The following SLIT3 variants were observed in gnomAD, a reference collection of about 807,000 sequenced individuals.
SLIT3 encodes the protein slit homolog 3 protein.
A neutral mutation model predicts 184.0 loss-of-function variants in SLIT3; 68 were observed. That is an observed-to-expected ratio of 0.37 (90% CI 0.30 to 0.45). The LOEUF (loss-of-function observed/expected upper bound fraction) is 0.45. Among genes scored for constraint, SLIT3 ranks in the 20% least tolerant of loss-of-function variants. The pLI, the probability that SLIT3 is intolerant of heterozygous loss-of-function variation, is 1.00. For synonymous variants in SLIT3, 831 were observed against 828.6 expected (o/e 1.00, Z -0.05); for missense variants, 1,707 against 2,026.0 (o/e 0.84, Z 3.02).
At position 169,095,739 on chromosome 5, in the gene SLIT3, C is replaced by T. The variant is rs566865826; in HGVS notation, c.413+97740G>A. ...ACCAATCTGTGTCCTCACTGTCAAG[C>T]GGCCTCACTGCCTTTCCAGCCCACC... On this transcript the variant is annotated intron_variant, in intron 4 of 35. Transcript: ENST00000519560. 9.8e-5 allele frequency among the ~76,000 whole-genome samples: 15 copies of T among 152,342 alleles called. No homozygotes were observed. The South Asian group carries it at 2.5e-3, about 25-fold the overall frequency.
At chr5:168,969,945 G>A (rs1387927427) in intron 4 of SLIT3, among the ~76,000 whole-genome samples, 2 of 152,232 alleles carry the variant, frequency 1.3e-5, no homozygotes, top group African/African-American at 4.8e-5. Context: ...ACTTTGGGAG[G>A]CCGAGGCCGG....
chr5:168,883,794 G>A (rs143108261), intron 4 of SLIT3, among the ~76,000 whole-genome samples: 2 of 152,078 alleles, frequency 1.3e-5, no homozygotes, highest in South Asian at 4.1e-4. Context: ...TGTCACAGGG[G>A]ATTGGAACAG....
intron 4 of SLIT3, among the ~76,000 whole-genome samples, chr5:169,071,190 G>A (rs527497096): frequency 3.3e-5 from 5 of 152,182 alleles, no homozygotes; most frequent in Non-Finnish European, 7.3e-5. Context: ...GGGTTATCAC[G>A]ATCAAAACAC....
At chr5:168,880,200 A>G (rs1039598) in intron 5 of SLIT3, among the ~76,000 whole-genome samples, 48,617 of 151,990 alleles carry the variant, frequency 0.32, 8,264 homozygotes, top group Non-Finnish European at 0.37. Flanking sequence ...TCCTGCCCCG[A>G]CCTTTCCTTC....
intron 4 of SLIT3, among the ~76,000 whole-genome samples, chr5:169,039,340 G>A (rs1757369251): frequency 7.3e-6 from 1 of 137,082 alleles, no homozygotes; most frequent in African/African-American, 2.7e-5. Context: ...TTTTTGAGAT[G>A]CAGTCTTGTT....
rs1760873510 is a variant in SLIT3 at position 168,662,120 on chromosome 5, T to C, written c.*4334A>G. On this transcript the variant is annotated 3_prime_UTR_variant, in exon 36 of 36. Coordinates refer to ENST00000519560, the MANE Select transcript of SLIT3 (RefSeq NM_003062.4). The stretch of plus-strand genomic sequence containing the variant: ...GGGGACCATCTGCCTGGACATCCAC[T>C]GTGGGGTAGCAGGAAGAACTTTGGC... 6.6e-6 allele frequency: 1 copy of C among 152,244 alleles called. No homozygotes were observed. The highest frequency in any genetic ancestry group is 6.5e-5 in the Admixed American group (1 of 15,290). 9.4% of individuals were successfully genotyped at this position (152,244 alleles called of 1,614,324 possible). A position where few individuals can be genotyped will look rare whatever the true frequency, so the allele number is the denominator to read the frequency against.
intron 4 of SLIT3, among the ~76,000 whole-genome samples, chr5:168,991,151 T>A (rs1033157694): frequency 9.9e-5 from 15 of 152,246 alleles, no homozygotes; most frequent in African/African-American, 3.6e-4. Context: ...CTAACTATAG[T>A]AACTCATAAT....
At chr5:168,705,614 C>G (rs1561884305) in intron 26 of SLIT3, among the ~76,000 whole-genome samples, 1 of 152,178 alleles carries the variant, frequency 6.6e-6, no homozygotes, top group Admixed American at 6.5e-5. Context: ...CAACACTTTC[C>G]TCAAGATCAA....
chr5:168,754,162 C>G (rs1442788427), intron 16 of SLIT3, among the ~76,000 whole-genome samples, 155 bp from the exon 17 acceptor site: 1 of 152,186 alleles, frequency 6.6e-6, no homozygotes, highest in African/African-American at 2.4e-5. Context: ...GCTCCCTGAA[C>G]TTTGGTCTTC....
intron 23 of SLIT3, among the ~76,000 whole-genome samples, chr5:168,718,938 T>G (rs995716037): frequency 6.6e-5 from 10 of 152,376 alleles, no homozygotes; most frequent in African/African-American, 2.4e-4. Flanking sequence ...GAGGAAAGAA[T>G]ATACAAATGT....
intron 23 of SLIT3, among the ~76,000 whole-genome samples, chr5:168,721,541 G>A (rs574841123): frequency 2.6e-5 from 4 of 152,164 alleles, no homozygotes; most frequent in Admixed American, 6.5e-5. Context: ...AGAGTGGGCC[G>A]GCTGTGGAGG....
In SLIT3 at chr5:168,902,499, A is replaced by G. The variant is rs187442585; in HGVS notation, c.414-19163T>C. Among the ~76,000 whole-genome samples the G allele has an allele frequency of 2.1e-3, 326 of 152,338 alleles. 3 individuals carry two copies. Among genetic ancestry groups the G allele is most frequent in the African/African-American group, 7.5e-3 (312 of 41,580 alleles). ...AGAGGAAGTACAGCTTAAACTGAGA[A>G]GTGAAGGAAGAGTAGGAATTATGCA... On this transcript the variant is annotated intron_variant, in intron 4 of 35. Coordinates refer to ENST00000519560, the MANE Select transcript of SLIT3 (RefSeq NM_003062.4).
chr5:169,125,742 G>A (rs1021216241), intron 4 of SLIT3, among the ~76,000 whole-genome samples: 2 of 152,220 alleles, frequency 1.3e-5, no homozygotes, highest in African/African-American at 4.8e-5. Context: ...GGGAGGAAAA[G>A]AACGTGACTG....
intron 4 of SLIT3, among the ~76,000 whole-genome samples, chr5:168,901,568 C>A (rs185390549): frequency 6.6e-6 from 1 of 152,282 alleles, no homozygotes; most frequent in East Asian, 1.9e-4. Context: ...AAAAAGGAAG[C>A]ATCTTTTTTT....
intron 4 of SLIT3, among the ~76,000 whole-genome samples, chr5:169,069,013 A>G (rs755026950): frequency 1.2e-4 from 19 of 152,226 alleles, no homozygotes; most frequent in Non-Finnish European, 2.4e-4. Context: ...CCCTACCACA[A>G]TCAAGTAGAA....
At chr5:168,954,981 C>T (rs994126763) in intron 4 of SLIT3, among the ~76,000 whole-genome samples, 1 of 151,876 alleles carries the variant, frequency 6.6e-6, no homozygotes, top group African/African-American at 2.4e-5. Flanking sequence ...CATTCCTTGA[C>T]CTTTTCTTCC....
chr5:168,858,826 G>A (rs982266014), intron 5 of SLIT3, among the ~76,000 whole-genome samples: 4 of 152,160 alleles, frequency 2.6e-5, no homozygotes, highest in African/African-American at 7.2e-5. Context: ...TTTACATCCC[G>A]GGGACTCAGC....
intron 35 of SLIT3, among the ~76,000 whole-genome samples, chr5:168,669,562 T>C (rs1328563241): frequency 6.6e-6 from 1 of 152,206 alleles, no homozygotes; most frequent in Non-Finnish European, 1.5e-5. Flanking sequence ...TTTGAACTGC[T>C]ATGGTTTGGG....
At chr5:168,944,862 A>G (rs1762425314) in intron 4 of SLIT3, among the ~76,000 whole-genome samples, 1 of 152,084 alleles carries the variant, frequency 6.6e-6, no homozygotes, top group Non-Finnish European at 1.5e-5. Context: ...TTGTATCCCT[A>G]ACTTACTCTG....
Sources: allele counts gnomAD v4.1 joint callset (sites outside exome capture counted in the v4.1 genomes callset), GRCh38; gene constraint gnomAD v4.1.1; transcripts MANE v1.5; gene names NCBI Gene and HGNC (gene_info 2026-07-23, HGNC 2026-07-21).